The following KIAA1217 variants were observed in gnomAD, a reference collection of about 807,000 sequenced individuals.
The protein encoded by KIAA1217 is KIAA1217.
Under a neutral mutation model 163.9 loss-of-function variants are expected in KIAA1217, and 88 were observed. That is an observed-to-expected ratio of 0.54 (90% confidence interval 0.45 to 0.64). The LOEUF is 0.64. Ranked by LOEUF, KIAA1217 falls within the 30% of genes least tolerant of loss-of-function variation. The pLI is 0.00. For missense variants in KIAA1217, 2,372 were observed against 2,475.0 expected (o/e 0.96, Z 0.88); for synonymous variants, 903 against 923.1 (o/e 0.98, Z 0.39).
chr10:23,863,130 C>T (rs1840032476), intron 1 of KIAA1217, among the ~76,000 whole-genome samples: 1 of 152,138 alleles, frequency 6.6e-6, no homozygotes, highest in Admixed American at 6.6e-5. Context: ...TGATTCATGT[C>T]ACTGTTCTTC....
intron 2 of KIAA1217, among the ~76,000 whole-genome samples, chr10:24,339,855 T>C (rs1397666710): frequency 6.6e-6 from 1 of 152,204 alleles, no homozygotes; most frequent in Non-Finnish European, 1.5e-5. Context: ...CCAAAGCCAA[T>C]GTTAGTCTGT....
chr10:24,358,434 G>A (rs1433737390), intron 2 of KIAA1217, among the ~76,000 whole-genome samples: 1 of 152,174 alleles, frequency 6.6e-6, no homozygotes, highest in Non-Finnish European at 1.5e-5. Flanking sequence ...TGGGAATGTG[G>A]AGGCTTAGGA....
intron 1 of KIAA1217, among the ~76,000 whole-genome samples, chr10:23,973,234 A>C (rs1326446634): frequency 2.0e-5 from 3 of 152,208 alleles, no homozygotes; most frequent in Non-Finnish European, 4.4e-5. Flanking sequence ...GAGGGAAAAA[A>C]ATAGCTCTAA....
chr10:23,963,656 G>A (rs2131376769), intron 1 of KIAA1217, among the ~76,000 whole-genome samples: 1 of 152,216 alleles, frequency 6.6e-6, no homozygotes, highest in African/African-American at 2.4e-5. Flanking sequence ...GGGTCAAATG[G>A]TATTTCTGGT....
At chr10:23,798,638 G>T (rs1416016653) in intron 1 of KIAA1217, among the ~76,000 whole-genome samples, 2 of 152,150 alleles carry the variant, frequency 1.3e-5, no homozygotes, top group African/African-American at 2.4e-5. Flanking sequence ...GGAGTTTGTT[G>T]TGTGTCTCCT....
intron 20 of KIAA1217, 136 bp from the exon 21 acceptor site, chr10:24,545,691 T>C (rs2075665861): frequency 6.8e-7 from 1 of 1,470,568 alleles, no homozygotes; most frequent in Admixed American, 2.7e-5. Context: ...CAACAAGACT[T>C]AGCTCAGGCC....
intron 1 of KIAA1217, among the ~76,000 whole-genome samples, chr10:23,989,303 ATG>A (rs1323805303): frequency 2.6e-5 from 4 of 152,236 alleles, no homozygotes; most frequent in Admixed American, 6.5e-5. Context: ...AATGTATTTA[ATG>A]TAAGTTTTAT....
At position 24,441,183 on chromosome 10, in the gene KIAA1217, G is replaced by A. The variant is rs549521451; in HGVS notation, c.846+2704G>A. ...TGTGAGCGTGGCCATGAAGGAATTCGATGCTAACTACTCACATGAGTCAGT... is the reference window on the plus strand; with the variant it reads ...TGTGAGCGTGGCCATGAAGGAATTCAATGCTAACTACTCACATGAGTCAGT... On this transcript the variant is annotated intron_variant, in intron 5 of 20. Coordinates refer to ENST00000376454, the MANE Select transcript of KIAA1217 (RefSeq NM_019590.5). Among the ~76,000 whole-genome samples the A allele has an allele frequency of 8.5e-5, 13 of 152,230 alleles. No individual in the cohort carries two copies. The South Asian group carries it at 2.7e-3, about 32-fold the overall frequency.
chr10:23,833,699 G>A (rs946776809), intron 1 of KIAA1217, among the ~76,000 whole-genome samples: 2 of 151,250 alleles, frequency 1.3e-5, no homozygotes, highest in Admixed American at 6.6e-5. Flanking sequence ...TTGGTACTTA[G>A]GGCCTATTTC....
chr10:24,290,974 A>C (rs1327933783), intron 2 of KIAA1217, among the ~76,000 whole-genome samples: 1 of 152,108 alleles, frequency 6.6e-6, no homozygotes, highest in Admixed American at 6.6e-5. Flanking sequence ...GGGAATGGCA[A>C]ATTGTGCCCT....
At chr10:23,891,829 A>G (rs1021229882) in intron 1 of KIAA1217, among the ~76,000 whole-genome samples, 30 of 152,000 alleles carry the variant, frequency 2.0e-4, no homozygotes, top group African/African-American at 7.2e-4. Context: ...ATGAAAAACC[A>G]CAGAAATAGC....
rs539021201 is a variant in KIAA1217, at chr10:24,271,263, A to G, written c.354+51354A>G. On this transcript the variant is annotated intron_variant, in intron 2 of 20. Coordinates refer to ENST00000376454, the MANE Select transcript of KIAA1217 (RefSeq NM_019590.5). ...AAAATATCAACACAGTTTTTGAGTA[A>G]GAAACTCAGTAACATTGAACTTAGT... Among the ~76,000 whole-genome samples, 11 of 152,318 alleles carry G rather than the reference A, an allele frequency of 7.2e-5. No individual in the cohort carries two copies. In the South Asian group the frequency reaches 2.3e-3, roughly 32 times the overall value.
chr10:24,147,562 G>A (rs1254503631), intron 2 of KIAA1217, among the ~76,000 whole-genome samples: 2 of 152,014 alleles, frequency 1.3e-5, no homozygotes, highest in Admixed American at 6.6e-5. Flanking sequence ...TGAACTTTTG[G>A]CCAGGCACGG....
At chr10:23,875,866 G>T (rs1383536334) in intron 1 of KIAA1217, among the ~76,000 whole-genome samples, 1 of 148,614 alleles carries the variant, frequency 6.7e-6, no homozygotes, top group African/African-American at 2.5e-5. Flanking sequence ...ACCAAACACT[G>T]CATGTCCTCA....
intron 2 of KIAA1217, among the ~76,000 whole-genome samples, chr10:24,144,913 C>T (rs1407496301): frequency 6.6e-6 from 1 of 152,232 alleles, no homozygotes. Flanking sequence ...TCCTGCTTCT[C>T]TGTCCAGTTT....
At chr10:24,213,569 G>A (rs2068433074) in intron 1 of KIAA1217, among the ~76,000 whole-genome samples, 1 of 99,104 alleles carries the variant, frequency 1.0e-5, no homozygotes. Context: ...TTTGTTTGTG[G>A]TTGGCCTATT....
chr10:24,271,576 C>T (rs1465767955), intron 2 of KIAA1217, among the ~76,000 whole-genome samples: 2 of 151,988 alleles, frequency 1.3e-5, no homozygotes, highest in Admixed American at 6.6e-5. Flanking sequence ...CGTGGCAAAA[C>T]CCCATCTCTG....
intron 3 of KIAA1217, among the ~76,000 whole-genome samples, chr10:24,430,685 A>G (rs977064278): frequency 6.6e-6 from 1 of 152,216 alleles, no homozygotes. Flanking sequence ...CTTAAGGCGC[A>G]TGCAACCTAG....
At chr10:24,346,114 A>G (rs1383283652) in intron 2 of KIAA1217, among the ~76,000 whole-genome samples, 1 of 152,156 alleles carries the variant, frequency 6.6e-6, no homozygotes, top group Non-Finnish European at 1.5e-5. Flanking sequence ...ACTTAGCACA[A>G]TGTCCTCAAG....
Sources: allele counts gnomAD v4.1 joint callset (sites outside exome capture counted in the v4.1 genomes callset), GRCh38; gene constraint gnomAD v4.1.1; transcripts MANE v1.5; gene names NCBI Gene and HGNC (gene_info 2026-07-23, HGNC 2026-07-21).